The following RRP15 variants were observed in gnomAD, a reference collection of about 807,000 sequenced individuals.
RRP15 encodes RRP15-like protein.
A neutral mutation model predicts 27.1 loss-of-function variants in RRP15; 18 were observed. The observed-to-expected ratio is 0.66, with a 90% confidence interval of 0.46 to 0.98. The LOEUF (loss-of-function observed/expected upper bound fraction) is 0.98, where lower values mean the gene tolerates loss of function less well. Ranked by LOEUF, RRP15 falls within the 50% of genes least tolerant of loss-of-function variation. The probability of loss-of-function intolerance (pLI) is 0.00; values close to 1 mark genes in which losing one functional copy is unlikely to be tolerated. For missense variants in RRP15, 359 were observed against 337.8 expected (o/e 1.06, Z -0.49); for synonymous variants, 107 against 109.4 (o/e 0.98, Z 0.14).
At chr1:218,318,734 A>G (rs1656129181) in intron 4 of RRP15, among the ~76,000 whole-genome samples, 1 of 151,900 alleles carries the variant, frequency 6.6e-6, no homozygotes, top group Admixed American at 6.6e-5. Flanking sequence ...TTAAAGTGAT[A>G]ATAAATACTT....
intron 3 of RRP15, among the ~76,000 whole-genome samples, chr1:218,306,650 C>T (rs553730256): frequency 9.9e-5 from 15 of 152,148 alleles, no homozygotes; most frequent in East Asian, 9.7e-4. Context: ...TCTAAATCAA[C>T]GCTATCCAGG....
intron 1 of RRP15, among the ~76,000 whole-genome samples, chr1:218,285,952 T>C (rs1033454514): frequency 1.1e-4 from 17 of 152,258 alleles, no homozygotes; most frequent in Admixed American, 5.2e-4. Flanking sequence ...ACTGGTAGTG[T>C]TTGATAACTA....
Position 218,302,361 on chromosome 1 carries a change from T to C in RRP15, c.207T>C (p.Gly69=). 6.2e-7 allele frequency: 1 copy of C among 1,613,966 alleles called. No individual in the cohort carries two copies. The highest frequency in any genetic ancestry group is 8.5e-7 in the Non-Finnish European group (1 of 1,179,980). The part of the protein sequence containing the change: ...DDDAIEADSE[G]DAEPCDKENE... The stretch of plus-strand genomic sequence containing the variant: ...ACGCAATAGAAGCTGACAGTGAGGG[T>C]GATGCTGAGCCCTGTGACAAAGAAA... The change falls in exon 2 of 5, where the codon GGT becomes GGC. Residue 69 remains glycine (G), a synonymous_variant. Transcript: ENST00000366932.
chr1:218,294,578 A>T (rs760992641), intron 1 of RRP15, among the ~76,000 whole-genome samples: 1 of 152,070 alleles, frequency 6.6e-6, no homozygotes, highest in Non-Finnish European at 1.5e-5. Flanking sequence ...TGGAGCTTCC[A>T]TGCCCTCCCT....
chr1:218,325,649 T>C (rs1275952527), intron 4 of RRP15, among the ~76,000 whole-genome samples: 1 of 152,212 alleles, frequency 6.6e-6, no homozygotes, highest in Non-Finnish European at 1.5e-5. Context: ...GGATATTCTT[T>C]TAGTTCCTGT....
chr1:218,293,061 T>C (rs1033297055), intron 1 of RRP15, among the ~76,000 whole-genome samples: 1 of 151,824 alleles, frequency 6.6e-6, no homozygotes, highest in Admixed American at 6.6e-5. Context: ...TCTTGGTATG[T>C]TGCCCATGCT....
At chr1:218,328,221 TAGTC>T in intron 4 of RRP15, among the ~76,000 whole-genome samples, 1 of 152,342 alleles carries the variant, frequency 6.6e-6, no homozygotes, top group East Asian at 1.9e-4. Context: ...ACGTTGTACT[TAGTC>T]TGTTGTTGCT....
At chr1:218,321,232 G>A (rs936087417) in intron 4 of RRP15, among the ~76,000 whole-genome samples, 2 of 152,176 alleles carry the variant, frequency 1.3e-5, no homozygotes, top group Admixed American at 6.5e-5. Context: ...TATAAAACTA[G>A]GCCAAGGAAG....
chr1:218,303,969 G>C (rs1229539854), intron 2 of RRP15, among the ~76,000 whole-genome samples: 2 of 152,002 alleles, frequency 1.3e-5, no homozygotes, highest in African/African-American at 2.4e-5. Flanking sequence ...ATATAATTAA[G>C]AATTGACTGT....
At chr1:218,293,306 CTCA>C (rs1655673770) in intron 1 of RRP15, among the ~76,000 whole-genome samples, 1 of 152,146 alleles carries the variant, frequency 6.6e-6, no homozygotes, top group Admixed American at 6.5e-5. Flanking sequence ...CTGTTTTCCG[CTCA>C]TGAAATTAAG....
chr1:218,320,458 CATT>C (rs1656169473), intron 4 of RRP15, among the ~76,000 whole-genome samples: 1 of 152,092 alleles, frequency 6.6e-6, no homozygotes, highest in Admixed American at 6.6e-5. Flanking sequence ...TCCAGTCTAT[CATT>C]GTTGGACATT....
At chr1:218,297,008 G>A (rs969194233) in intron 1 of RRP15, among the ~76,000 whole-genome samples, 3 of 152,084 alleles carry the variant, frequency 2.0e-5, no homozygotes, top group Admixed American at 6.6e-5. Flanking sequence ...CATTTATTTA[G>A]TGCCTACTAT....
At position 218,305,065 on chromosome 1, in the gene RRP15, T is replaced by C; in HGVS notation, c.443T>C (p.Val148Ala). Reference protein sequence around the residue: ...KRLEWEMMCRVKPDVVQDKET... With the variant: ...KRLEWEMMCRAKPDVVQDKET... ...CTGGAGTGGGAAATGATGTGCAGAGTAAAGCCAGATGTTGTCCAAGACAAA... is the reference window on the plus strand; with the variant it reads ...CTGGAGTGGGAAATGATGTGCAGAGCAAAGCCAGATGTTGTCCAAGACAAA... Residue 148 changes from valine (V) to alanine (A), a missense_variant, in exon 3 of 5, where the codon GTA becomes GCA. Val to Ala is a moderately conservative substitution (Grantham distance 64). Coordinates refer to ENST00000366932, the MANE Select transcript of RRP15 (RefSeq NM_016052.4). The C allele has an allele frequency of 6.2e-7, 1 of 1,613,838 alleles. No homozygotes were observed. The highest frequency in any genetic ancestry group is 8.5e-7 in the Non-Finnish European group (1 of 1,179,846).
At chr1:218,310,380 G>A (rs1655974527) in intron 4 of RRP15, among the ~76,000 whole-genome samples, 1 of 152,124 alleles carries the variant, frequency 6.6e-6, no homozygotes, top group South Asian at 2.1e-4. Flanking sequence ...TACCAATTTG[G>A]AAACACCTTC....
chr1:218,294,566 T>C (rs1655692378), intron 1 of RRP15, among the ~76,000 whole-genome samples: 1 of 152,038 alleles, frequency 6.6e-6, no homozygotes, highest in Non-Finnish European at 1.5e-5. Flanking sequence ...GGTGAAGGTG[T>C]GTGGAGCTTC....
intron 4 of RRP15, among the ~76,000 whole-genome samples, chr1:218,328,993 A>G (rs1656321780): frequency 6.6e-6 from 1 of 152,140 alleles, no homozygotes; most frequent in Admixed American, 6.5e-5. Context: ...ATGGCTATAC[A>G]CTTTTCCGAA....
intron 4 of RRP15, among the ~76,000 whole-genome samples, chr1:218,318,459 C>G (rs1287131994): frequency 6.6e-6 from 1 of 151,970 alleles, no homozygotes; most frequent in African/African-American, 2.4e-5. Flanking sequence ...ATAATGAATC[C>G]AGGCCAGTTG....
rs538218806 is a variant in RRP15, at chr1:218,312,282, C to CT, written c.705+4664dup. 9.7e-3 allele frequency among the ~76,000 whole-genome samples: 1,338 copies of CT among 137,446 alleles called. 6 individuals are homozygous for CT. Among genetic ancestry groups the CT allele is most frequent in the African/African-American group, 0.017 (636 of 38,432 alleles). 90.2% of individuals were successfully genotyped at this position (137,446 alleles called of 152,430 possible). ...GAAATTTTTTCTTTCTTTCTTTTTT[C>CT]TTTTTTTTTTTTTTAGCCATTGAGC... On this transcript the variant is annotated intron_variant, in intron 4 of 4. Coordinates refer to ENST00000366932, the MANE Select transcript of RRP15 (RefSeq NM_016052.4).
chr1:218,310,530 T>C (rs1164615301), intron 4 of RRP15, among the ~76,000 whole-genome samples: 1 of 152,228 alleles, frequency 6.6e-6, no homozygotes, highest in Admixed American at 6.5e-5. Context: ...ATAGGTTATA[T>C]ACATTGAGCC....
Sources: gnomAD v4.1 joint callset for allele counts (sites outside exome capture counted in the v4.1 genomes callset) on GRCh38, gnomAD v4.1.1 for gene constraint, MANE v1.5 for transcripts, NCBI Gene and HGNC (gene_info 2026-07-23, HGNC 2026-07-21) for gene names.